The following UVRAG variants were observed in gnomAD, a reference collection of about 807,000 sequenced individuals.
UVRAG encodes the protein UV radiation resistance-associated gene protein.
UVRAG carries 19 observed loss-of-function variants against 78.0 expected under a neutral mutation model. The ratio of observed to expected loss-of-function variants is 0.24; its 90% CI spans 0.17 to 0.36. UVRAG has a LOEUF of 0.36. UVRAG is among the 10% of genes least tolerant of loss of function. UVRAG has a pLI of 1.00. For synonymous variants in UVRAG, 323 were observed against 324.6 expected, an observed-to-expected ratio of 1.00 and a Z score of 0.05; for missense variants, 740 against 853.8, an observed-to-expected ratio of 0.87 and a Z score of 1.66.
chr11:75,974,816 A>G (rs1189160296), intron 7 of UVRAG, among the ~76,000 whole-genome samples: 1 of 152,082 alleles, frequency 6.6e-6, no homozygotes. Flanking sequence ...ATTTTCTCCC[A>G]TTCTGTAGGT....
At chr11:75,850,810 A>G (rs1946139457) in intron 1 of UVRAG, among the ~76,000 whole-genome samples, 1 of 152,232 alleles carries the variant, frequency 6.6e-6, no homozygotes. Context: ...TTGTAAATAC[A>G]TTTGAGGCTT....
At chr11:75,977,597 G>A (rs1949272923) in intron 7 of UVRAG, among the ~76,000 whole-genome samples, 1 of 152,182 alleles carries the variant, frequency 6.6e-6, no homozygotes, top group Non-Finnish European at 1.5e-5. Flanking sequence ...AGCTCTTCTA[G>A]TTGAATTGAT....
chr11:75,959,169 G>A (rs953243760), intron 6 of UVRAG, among the ~76,000 whole-genome samples: 1 of 152,162 alleles, frequency 6.6e-6, no homozygotes, highest in Non-Finnish European at 1.5e-5. Flanking sequence ...ATCAGCAGCT[G>A]CATTAACCCC....
At chr11:75,827,175 G>A (rs929693999) in intron 1 of UVRAG, among the ~76,000 whole-genome samples, 1 of 151,330 alleles carries the variant, frequency 6.6e-6, no homozygotes, top group Admixed American at 6.6e-5. Context: ...GATCATAAAA[G>A]TAAACATGAG....
intron 2 of UVRAG, among the ~76,000 whole-genome samples, chr11:75,857,732 C>T (rs1244703268): frequency 6.6e-6 from 1 of 151,836 alleles, no homozygotes; most frequent in Non-Finnish European, 1.5e-5. Context: ...TCGTGATCCA[C>T]CCGTCTTGGC....
chr11:75,966,543 T>C (rs923368169), intron 7 of UVRAG, among the ~76,000 whole-genome samples: 1 of 152,210 alleles, frequency 6.6e-6, no homozygotes, highest in African/African-American at 2.4e-5. Context: ...TCGACATATA[T>C]GTATGAGTGG....
intron 13 of UVRAG, among the ~76,000 whole-genome samples, chr11:76,095,446 A>T (rs1325499358): frequency 1.3e-5 from 2 of 152,030 alleles, no homozygotes; most frequent in Non-Finnish European, 1.5e-5. Flanking sequence ...TTAAGCCATT[A>T]AAAAAGCATG....
chr11:75,819,052 A>G (rs973663952), intron 1 of UVRAG, among the ~76,000 whole-genome samples: 1 of 152,158 alleles, frequency 6.6e-6, no homozygotes, highest in African/African-American at 2.4e-5. Flanking sequence ...GTTGAGAACC[A>G]CCTTACTAAG....
rs1335562641 is a variant in UVRAG at position 75,961,466 on chromosome 11, A to G, written c.616A>G (p.Ile206Val). The G allele has an allele frequency of 1.2e-6, 2 of 1,601,356 alleles. No individual in the cohort carries two copies. Among genetic ancestry groups the G allele is most frequent in the South Asian group, 2.3e-5 (2 of 87,988 alleles). The change falls in exon 7 of 15, where the codon ATT becomes GTT. Residue 206 changes from isoleucine (I) to valine (V), a missense_variant. Ile to Val is a conservative substitution (Grantham distance 29). Transcript: ENST00000356136. Reference protein sequence around the residue: ...LLRLHRAQCAIKQTQVTVQKI... With the variant: ...LLRLHRAQCAVKQTQVTVQKI... ...TAGGCTTCATAGAGCCCAGTGTGCAATTAAACAGACTCAGGTAACTGTTCA... is the reference window on the plus strand; with the variant it reads ...TAGGCTTCATAGAGCCCAGTGTGCAGTTAAACAGACTCAGGTAACTGTTCA...
chr11:76,038,629 A>G (rs1950584620), intron 12 of UVRAG, among the ~76,000 whole-genome samples: 2 of 152,248 alleles, frequency 1.3e-5, no homozygotes, highest in Non-Finnish European at 2.9e-5. Flanking sequence ...TTTTCCTCCC[A>G]TGATTAAGGT....
chr11:75,841,926 GCTTGGTGGGAACAA>G (rs1945920886), intron 1 of UVRAG, among the ~76,000 whole-genome samples: 1 of 152,152 alleles, frequency 6.6e-6, no homozygotes, highest in African/African-American at 2.4e-5. Flanking sequence ...TTTGGTCTGA[GCTTGGTGGGAACAA>G]CTTGTCTCTG....
chr11:76,019,307 AT>A (rs2135375200), intron 12 of UVRAG, among the ~76,000 whole-genome samples: 1 of 152,358 alleles, frequency 6.6e-6, no homozygotes, highest in South Asian at 2.1e-4. Context: ...TGTCCGAAAG[AT>A]CACATACCTC....
At chr11:75,868,050 G>A (rs556437167) in intron 3 of UVRAG, among the ~76,000 whole-genome samples, 5 of 152,254 alleles carry the variant, frequency 3.3e-5, no homozygotes, top group South Asian at 2.1e-4. Context: ...GAAAAAATAC[G>A]CACGTTAGAA....
intron 13 of UVRAG, among the ~76,000 whole-genome samples, chr11:76,108,683 G>A (rs1037484142): frequency 2.6e-5 from 4 of 152,202 alleles, no homozygotes; most frequent in Non-Finnish European, 4.4e-5. Context: ...TGACATGGCC[G>A]TAGTTGTCTG....
intron 10 of UVRAG, 133 bp downstream of exon 10, chr11:76,007,754 GTC>G: frequency 1.5e-6 from 1 of 689,212 alleles, no homozygotes; most frequent in Non-Finnish European, 2.4e-6. Flanking sequence ...AGGAGCTAAT[GTC>G]TATTTAAAAC....
At chr11:76,001,342 A>C in intron 8 of UVRAG, among the ~76,000 whole-genome samples, 1 of 152,250 alleles carries the variant, frequency 6.6e-6, no homozygotes, top group East Asian at 1.9e-4. Flanking sequence ...TTTCATGCCA[A>C]TATTAGAAAA....
intron 6 of UVRAG, among the ~76,000 whole-genome samples, chr11:75,921,679 A>T (rs1432711682): frequency 6.6e-6 from 1 of 151,594 alleles, no homozygotes. Context: ...ATTTAATACA[A>T]ATTGCAATTT....
intron 14 of UVRAG, among the ~76,000 whole-genome samples, chr11:76,123,565 A>G (rs1437184195): frequency 6.6e-6 from 1 of 152,214 alleles, no homozygotes; most frequent in African/African-American, 2.4e-5. Context: ...TTTCAAAGCC[A>G]TCTGTCCTGT....
intron 11 of UVRAG, among the ~76,000 whole-genome samples, chr11:76,015,148 AAGAAACTAAGGTGGT>A (rs1404383846): frequency 6.6e-6 from 1 of 152,120 alleles, no homozygotes; most frequent in Non-Finnish European, 1.5e-5. Flanking sequence ...GAAAACTGTG[AAGAAACTAAGGTGGT>A]ACACGTGTGT....
Sources: gnomAD v4.1 joint callset for allele counts (sites outside exome capture counted in the v4.1 genomes callset) on GRCh38, gnomAD v4.1.1 for gene constraint, MANE v1.5 for transcripts, NCBI Gene and HGNC (gene_info 2026-07-23, HGNC 2026-07-21) for gene names.